ZKSCAN1: variants seen among roughly 807,000 people sequenced by gnomAD.
ZKSCAN1 encodes the protein zinc finger protein with KRAB and SCAN domains 1.
ZKSCAN1 carries 14 observed loss-of-function variants against 51.6 expected under a neutral mutation model. The ratio of observed to expected loss-of-function variants is 0.27; its 90% CI spans 0.18 to 0.42. The LOEUF (loss-of-function observed/expected upper bound fraction) is 0.42, where lower values mean the gene tolerates loss of function less well. Among genes scored for constraint, ZKSCAN1 ranks in the 10% least tolerant of loss-of-function variants. The pLI is 1.00. For synonymous variants in ZKSCAN1, 263 were observed against 261.5 expected (o/e 1.01, Z -0.06); for missense variants, 531 against 710.0 (o/e 0.75, Z 2.86).
In ZKSCAN1 at chr7:100,038,466, C is replaced by T. The variant is rs921046184; in HGVS notation, c.*4269C>T. On this transcript the variant is annotated 3_prime_UTR_variant, in exon 6 of 6. Transcript: ENST00000324306. ...CTAATGGGGCACTGAAATGGAACAACTCCTTTAAACGTGCAGCCTTTTGAA... is the reference window on the plus strand; with the variant it reads ...CTAATGGGGCACTGAAATGGAACAATTCCTTTAAACGTGCAGCCTTTTGAA... 11 of 985,456 alleles carry T rather than the reference C, an allele frequency of 1.1e-5. No homozygotes were observed. The highest frequency in any genetic ancestry group is 1.3e-5 in the Non-Finnish European group (11 of 829,938). 61.0% of individuals were successfully genotyped at this position (985,456 alleles called of 1,614,324 possible). A position where few individuals can be genotyped will look rare whatever the true frequency, so the allele number is the denominator to read the frequency against.
intron 1 of ZKSCAN1, among the ~76,000 whole-genome samples, chr7:100,021,730 A>G (rs904092991): frequency 6.7e-6 from 1 of 149,006 alleles, no homozygotes; most frequent in East Asian, 2.0e-4. Context: ...CAGTTTCTCT[A>G]TAAGAATCTT....
In ZKSCAN1 at chr7:100,039,504, CT is replaced by C. The variant is rs1791507037; in HGVS notation, c.*5308del. ...GTTCCCTGCTCCCACTTTTCTTCCC[CT>C]GGTTTGTGATTATTAGGAGAGAGGT... is the stretch of plus-strand genomic sequence containing the variant. On this transcript the variant is annotated 3_prime_UTR_variant, in exon 6 of 6. Transcript: ENST00000324306. 1 of 985,198 alleles carries C rather than the reference CT, an allele frequency of 1.0e-6. No homozygotes were observed. Among genetic ancestry groups the C allele is most frequent in the African/African-American group, 1.7e-5 (1 of 57,186 alleles). 61.0% of individuals were successfully genotyped at this position (985,198 alleles called of 1,614,324 possible).
chr7:100,033,984 A>G lies in ZKSCAN1; in HGVS notation c.1479A>G (p.Glu493=). The G allele has an allele frequency of 6.2e-7, 1 of 1,614,168 alleles. No individual in the cohort carries two copies. The highest frequency in any genetic ancestry group is 8.5e-7 in the Non-Finnish European group (1 of 1,180,028). The change falls in exon 6 of 6, where the codon GAA becomes GAG. Residue 493 remains glutamate, a synonymous_variant. Transcript: ENST00000324306. This position sits in a 1 kb window ranked among gnomAD's most constrained non-coding sequence, Gnocchi z 4.1. ...HTGEKPYECS[E]CGKAFNRNSY... is the part of the protein sequence containing the mutation. ...GGGAGAAACCCTATGAATGTAGTGA[A>G]TGTGGAAAAGCTTTCAACCGAAACT...
chr7:100,039,687 G>A lies in ZKSCAN1; in HGVS notation c.*5490G>A, dbSNP rs1169515061. ...TGGAAGACTGTGTGTATGAATTGGA[G>A]TAACAGAACTGAAATACACTTAAAC... is the stretch of plus-strand genomic sequence containing the variant. On this transcript the variant is annotated 3_prime_UTR_variant, in exon 6 of 6. Transcript: ENST00000324306. 1 of 985,290 alleles carries A rather than the reference G, an allele frequency of 1.0e-6. No homozygotes were observed. The highest frequency in any genetic ancestry group is 1.7e-5 in the African/African-American group (1 of 57,206). The allele number at this position is 985,290 out of a possible 1,614,324, so 61.0% of individuals were successfully genotyped here.
intron 5 of ZKSCAN1, among the ~76,000 whole-genome samples, chr7:100,032,458 G>A (rs895979823): frequency 6.6e-6 from 1 of 152,052 alleles, no homozygotes; most frequent in African/African-American, 2.4e-5. Flanking sequence ...TCCACTCTTT[G>A]CCTGCGCTCT....
Position 100,035,830 on chromosome 7 carries a change from G to C in ZKSCAN1, c.*1633G>C, listed in dbSNP as rs1055310919. On this transcript the variant is annotated 3_prime_UTR_variant, in exon 6 of 6. Coordinates refer to ENST00000324306, the MANE Select transcript of ZKSCAN1 (RefSeq NM_003439.4). ...CTGGCTACCTAGAAGCTGATGGCAGGAGACTGTTTCACACACAGGAGATTG... is the reference window on the plus strand; with the variant it reads ...CTGGCTACCTAGAAGCTGATGGCAGCAGACTGTTTCACACACAGGAGATTG... 7 of 985,236 alleles carry C rather than the reference G, an allele frequency of 7.1e-6. No individual in the cohort carries two copies. Among genetic ancestry groups the C allele is most frequent in the Non-Finnish European group, 8.4e-6 (7 of 829,938 alleles). The allele number at this position is 985,236 out of a possible 1,614,324, so 61.0% of individuals were successfully genotyped here. A position where few individuals can be genotyped will look rare whatever the true frequency, so the allele number is the denominator to read the frequency against.
At chr7:100,027,466 C>G (rs1197894647) in intron 3 of ZKSCAN1, among the ~76,000 whole-genome samples, 1 of 151,680 alleles carries the variant, frequency 6.6e-6, no homozygotes, top group East Asian at 2.0e-4. Context: ...ACTGGTGCAC[C>G]GTGGCCAGGC....
At chr7:100,043,560 G>A (rs566951185), downstream of ZKSCAN1, among the ~76,000 whole-genome samples, 1 of 148,458 alleles carries the variant, frequency 6.7e-6, no homozygotes, top group East Asian at 2.0e-4. Context: ...TTTTTGCAGA[G>A]ACAGGGTCTT....
rs1584343695 is a variant in ZKSCAN1, at chr7:100,030,324, A to G, written c.748A>G (p.Asn250Asp). ...GGGATGTCAGAATCTGGCTCGGAGG[A>G]ATCTCAGTAGGGACAACAGGCAGGA... ...EWGCQNLARR[N>D]LSRDNRQENY... Residue 250 changes from asparagine (N) to aspartate (D), a missense_variant, in exon 5 of 6, where the codon AAT (asparagine) becomes GAT (aspartate). Asn to Asp is a conservative substitution (Grantham distance 23). This residue lies in a region of ZKSCAN1 where 403 missense variants were observed against 490.5 expected (regional missense o/e 0.82). Transcript: ENST00000324306. 2 of 1,614,074 alleles carry G rather than the reference A, an allele frequency of 1.2e-6. No individual in the cohort carries two copies. The highest frequency in any genetic ancestry group is 1.7e-6 in the Non-Finnish European group (2 of 1,180,018).
At chr7:100,017,478 C>G (rs1790417993) in intron 1 of ZKSCAN1, among the ~76,000 whole-genome samples, 1 of 152,234 alleles carries the variant, frequency 6.6e-6, no homozygotes, top group African/African-American at 2.4e-5. Context: ...CAACCTCAGC[C>G]TCCCAAAGTG....
intron 1 of ZKSCAN1, 40 bp from the exon 2 acceptor site, chr7:100,023,379 T>C (rs951152708): frequency 1.8e-6 from 2 of 1,081,612 alleles, no homozygotes; most frequent in African/African-American, 3.2e-5. Context: ...GATCACTTTT[T>C]GTAAAGGTAC....
At chr7:100,029,716 G>C (rs1046718721) in intron 3 of ZKSCAN1, 145 bp from the exon 4 acceptor site, 1 of 697,874 alleles carries the variant, frequency 1.4e-6, no homozygotes, top group Admixed American at 3.0e-5. Flanking sequence ...GTGTTCTCTC[G>C]TTTGTGTTGT....
At position 100,034,220 on chromosome 7, in the gene ZKSCAN1, AT is replaced by A. The variant is rs1308717523; in HGVS notation, c.*26del. The A allele has an allele frequency of 1.3e-6, 2 of 1,498,456 alleles. No homozygotes were observed. Among genetic ancestry groups the A allele is most frequent in the African/African-American group, 2.8e-5 (2 of 71,554 alleles). The allele number at this position is 1,498,456 out of a possible 1,614,324, so 92.8% of individuals were successfully genotyped here. On this transcript the variant is annotated 3_prime_UTR_variant, in exon 6 of 6. Coordinates refer to ENST00000324306, the MANE Select transcript of ZKSCAN1 (RefSeq NM_003439.4). The stretch of plus-strand genomic sequence containing the variant: ...TAAAGGAAGAATTTGCCATCAAGCC[AT>A]TTCCCCCTTTTGTTTCTAAAATTAT...
At chr7:100,022,344 C>T (rs539430708) in intron 1 of ZKSCAN1, among the ~76,000 whole-genome samples, 38 of 152,340 alleles carry the variant, frequency 2.5e-4, no homozygotes, top group African/African-American at 8.2e-4. Flanking sequence ...TGAGCCACTG[C>T]GCCCAGCCAA....
downstream of ZKSCAN1, chr7:100,044,913 C>T (rs979225630): frequency 9.1e-6 from 9 of 985,174 alleles, no homozygotes; most frequent in African/African-American, 1.7e-5. Flanking sequence ...GGTTTGGTTA[C>T]CCTCTGCTGG....
Position 100,035,735 on chromosome 7 carries a change from T to G in ZKSCAN1, c.*1538T>G. On this transcript the variant is annotated 3_prime_UTR_variant, in exon 6 of 6. Coordinates refer to ENST00000324306, the MANE Select transcript of ZKSCAN1 (RefSeq NM_003439.4). ...TCATAGTGCACAGTGACTTTTCTGT[T>G]TCTTATCACTAAAGACTGAGGTGAG... 6.5e-6 allele frequency: 4 copies of G among 620,094 alleles called. No homozygotes were observed. The South Asian group carries it at 2.8e-4, about 44-fold the overall frequency. The allele number at this position is 620,094 out of a possible 1,614,324, so 38.4% of individuals were successfully genotyped here. A position where few individuals can be genotyped will look rare whatever the true frequency, so the allele number is the denominator to read the frequency against.
rs1350626412 is a variant in ZKSCAN1, at chr7:100,018,007, T to TA, written c.-89+2283dup. 6.6e-5 allele frequency among the ~76,000 whole-genome samples: 10 copies of TA among 152,372 alleles called. No homozygotes were observed. The South Asian group carries it at 1.2e-3, about 19-fold the overall frequency. On this transcript the variant is annotated intron_variant, in intron 1 of 5. Transcript: ENST00000324306. ...GCCTACTAAATGCCAGGCACTATTTTAAGTGCTTTATATCTATTACCTCAT... is the reference window on the plus strand; with the variant it reads ...GCCTACTAAATGCCAGGCACTATTTTAAAGTGCTTTATATCTATTACCTCAT...
rs542194517 is a variant in ZKSCAN1 at position 100,040,786 on chromosome 7, C to T, written c.*6589C>T. 31 of 985,424 alleles carry T rather than the reference C, an allele frequency of 3.1e-5. No homozygotes were observed. The East Asian group carries it at 2.7e-3, about 87-fold the overall frequency. 61.0% of individuals were successfully genotyped at this position (985,424 alleles called of 1,614,324 possible). Reference sequence around the variant, plus strand: ...CCGAGCGCCTTCCCCTCACCTCAACCAGAGAAGAGCATCCGGTTGCTTTTT... The same window carrying T: ...CCGAGCGCCTTCCCCTCACCTCAACTAGAGAAGAGCATCCGGTTGCTTTTT... On this transcript the variant is annotated 3_prime_UTR_variant, in exon 6 of 6. Transcript: ENST00000324306.
chr7:100,022,098 A>G (rs1462089284), intron 1 of ZKSCAN1, among the ~76,000 whole-genome samples: 1 of 152,230 alleles, frequency 6.6e-6, no homozygotes, highest in African/African-American at 2.4e-5. Flanking sequence ...CTCTGTGGCC[A>G]GGATGGAGTG....
Sources: gnomAD v4.1 joint callset for allele counts (sites outside exome capture counted in the v4.1 genomes callset) on GRCh38, gnomAD v4.1.1 for gene constraint, gnomAD v4.1.1 regional missense constraint, Gnocchi (gnomAD v3.1) non-coding constraint, MANE v1.5 for transcripts, NCBI Gene and HGNC (gene_info 2026-07-23, HGNC 2026-07-21) for gene names.